The following KATNAL1 variants were observed in gnomAD, a reference collection of about 807,000 sequenced individuals.
KATNAL1 encodes the protein katanin p60 ATPase-containing subunit A-like 1.
Under a neutral mutation model 55.2 loss-of-function variants are expected in KATNAL1, and 32 were observed. That is an observed-to-expected ratio of 0.58 (90% CI 0.44 to 0.78). The LOEUF (loss-of-function observed/expected upper bound fraction) is 0.78. Among genes scored for constraint, KATNAL1 ranks in the 30% least tolerant of loss-of-function variants. The pLI is 0.00. For missense variants in KATNAL1, 466 were observed against 600.9 expected (o/e 0.78, Z 2.35); for synonymous variants, 193 against 193.6 (o/e 1.00, Z 0.02).
At chr13:30,244,641 A>G (rs1877603827) in intron 4 of KATNAL1, among the ~76,000 whole-genome samples, 1 of 152,160 alleles carries the variant, frequency 6.6e-6, no homozygotes, top group African/African-American at 2.4e-5. Flanking sequence ...TTAGCAAAAC[A>G]GATAGACTGC....
intron 3 of KATNAL1, among the ~76,000 whole-genome samples, chr13:30,263,907 C>T (rs955669836): frequency 2.0e-5 from 3 of 149,834 alleles, no homozygotes; most frequent in Non-Finnish European, 4.4e-5. Context: ...AAAAAGAGCC[C>T]ACATCGCAAA....
chr13:30,231,659 A>AAATGTCTCAAGCCAGAGG (rs1434210979), intron 6 of KATNAL1, among the ~76,000 whole-genome samples, 187 bp from the exon 7 acceptor site: 49 of 152,306 alleles, frequency 3.2e-4, no homozygotes, highest in Non-Finnish European at 6.3e-4. Context: ...AAATTTCACA[A>AAATGTCTCAAGCCAGAGG]AATGTCTCAA....
intron 6 of KATNAL1, among the ~76,000 whole-genome samples, chr13:30,235,849 A>C (rs986073705): frequency 7.0e-5 from 9 of 128,920 alleles, no homozygotes; most frequent in South Asian, 2.2e-4. Context: ...TTTGATTCCC[A>C]AAAAAAAAAA....
intron 3 of KATNAL1, among the ~76,000 whole-genome samples, chr13:30,278,962 T>C (rs1881067679): frequency 6.6e-6 from 1 of 152,178 alleles, no homozygotes; most frequent in Non-Finnish European, 1.5e-5. Context: ...ACAATGAAAA[T>C]CACAAAATTA....
chr13:30,273,899 A>C (rs1880560059), intron 3 of KATNAL1, among the ~76,000 whole-genome samples: 1 of 151,510 alleles, frequency 6.6e-6, no homozygotes, highest in South Asian at 2.1e-4. Flanking sequence ...TTTTTCTCTC[A>C]TTCTGTGTAT....
intron 2 of KATNAL1, among the ~76,000 whole-genome samples, chr13:30,283,292 G>T (rs2428146): frequency 3.6e-5 from 3 of 83,402 alleles, no homozygotes; most frequent in Non-Finnish European, 6.2e-5. Flanking sequence ...AAAAAAAAAA[G>T]GAATGAATGA....
intron 6 of KATNAL1, among the ~76,000 whole-genome samples, chr13:30,232,298 G>A (rs1476030617): frequency 6.6e-6 from 1 of 152,108 alleles, no homozygotes; most frequent in Non-Finnish European, 1.5e-5. Flanking sequence ...GATTCCTTAA[G>A]AGGAATTCTG....
At chr13:30,272,171 G>A (rs564541572) in intron 3 of KATNAL1, among the ~76,000 whole-genome samples, 13 of 152,190 alleles carry the variant, frequency 8.5e-5, no homozygotes, top group South Asian at 2.1e-4. Context: ...AGGCCGAGGC[G>A]GGCAGATCAT....
intron 3 of KATNAL1, among the ~76,000 whole-genome samples, chr13:30,276,828 G>C (rs2137522130): frequency 6.6e-6 from 1 of 152,260 alleles, no homozygotes; most frequent in South Asian, 2.1e-4. Context: ...AGAGACTTGG[G>C]TTCAAATCCT....
intron 3 of KATNAL1, among the ~76,000 whole-genome samples, chr13:30,271,596 G>A (rs1327757983): frequency 6.6e-6 from 1 of 151,998 alleles, no homozygotes; most frequent in Non-Finnish European, 1.5e-5. Context: ...ACCAAAGGGG[G>A]AAATCCACCC....
intron 1 of KATNAL1, among the ~76,000 whole-genome samples, chr13:30,292,430 T>C (rs1882195752): frequency 6.6e-6 from 1 of 152,028 alleles, no homozygotes; most frequent in Non-Finnish European, 1.5e-5. Context: ...AAAAGGGCCA[T>C]GTAACACCTG....
chr13:30,212,174 A>G (rs1873752759), intron 9 of KATNAL1, among the ~76,000 whole-genome samples: 1 of 152,260 alleles, frequency 6.6e-6, no homozygotes, highest in Non-Finnish European at 1.5e-5. Context: ...AAAAAAAATC[A>G]ACAAGGAAAA....
chr13:30,231,213 A>T, intron 7 of KATNAL1, 101 bp downstream of exon 7: 2 of 864,442 alleles, frequency 2.3e-6, no homozygotes, highest in East Asian at 2.7e-5. Flanking sequence ...ATAGAACTAC[A>T]CTGCCCTTTT....
intron 9 of KATNAL1, among the ~76,000 whole-genome samples, chr13:30,214,744 C>T (rs998969525): frequency 2.6e-5 from 4 of 151,930 alleles, no homozygotes; most frequent in African/African-American, 7.3e-5. Context: ...AACTGGATCC[C>T]TTCCTTACAC....
rs562135267 is a variant in KATNAL1 at position 30,259,329 on chromosome 13, G to C, written c.324-3714C>G. Among the ~76,000 whole-genome samples, 14 of 151,266 alleles carry C rather than the reference G, an allele frequency of 9.3e-5. No individual in the cohort carries two copies. The East Asian group carries it at 2.6e-3, about 28-fold the overall frequency. On this transcript the variant is annotated intron_variant, in intron 3 of 10. Coordinates refer to ENST00000380615, the MANE Select transcript of KATNAL1 (RefSeq NM_032116.5). The stretch of plus-strand genomic sequence containing the variant: ...CATTCCAGCCTGGGCCACACAGCAA[G>C]GCTCCATCTCAAAGAAAAAAAAAAA...
chr13:30,215,117 A>G (rs1204303788), intron 9 of KATNAL1, among the ~76,000 whole-genome samples: 1 of 151,782 alleles, frequency 6.6e-6, no homozygotes, highest in African/African-American at 2.4e-5. Flanking sequence ...GGCGAAGGAC[A>G]TGAACAGACA....
At chr13:30,245,202 C>T (rs1593879521) in intron 4 of KATNAL1, among the ~76,000 whole-genome samples, 1 of 152,152 alleles carries the variant, frequency 6.6e-6, no homozygotes, top group African/African-American at 2.4e-5. Context: ...AAAGCTTATC[C>T]ACCACGATCA....
At chr13:30,260,074 C>G (rs1339890383) in intron 3 of KATNAL1, among the ~76,000 whole-genome samples, 1 of 152,326 alleles carries the variant, frequency 6.6e-6, no homozygotes, top group African/African-American at 2.4e-5. Context: ...CCCGACCCCC[C>G]AGCAGCCTAA....
In KATNAL1 at chr13:30,204,522, C is replaced by T. The variant is rs1042309381; in HGVS notation, c.*4018G>A. On this transcript the variant is annotated 3_prime_UTR_variant, in exon 11 of 11. Transcript: ENST00000380615. ...TTAGCAGTGTATATAAAAACTTATT[C>T]CTAAGGAAGGAATTCAAATGAACTC... 1.3e-5 allele frequency: 2 copies of T among 152,046 alleles called. No homozygotes were observed. Among genetic ancestry groups the T allele is most frequent in the Non-Finnish European group, 2.9e-5 (2 of 68,008 alleles). 9.4% of individuals were successfully genotyped at this position (152,046 alleles called of 1,614,324 possible). A position where few individuals can be genotyped will look rare whatever the true frequency, so the allele number is the denominator to read the frequency against.
Sources: allele counts gnomAD v4.1 joint callset (sites outside exome capture counted in the v4.1 genomes callset), GRCh38; gene constraint gnomAD v4.1.1; transcripts MANE v1.5; gene names NCBI Gene and HGNC (gene_info 2026-07-23, HGNC 2026-07-21).